Variants in ZNF831 observed in about 807,000 individuals in gnomAD.
ZNF831 encodes the protein chromosome 20 open reading frame 174.
ZNF831 carries 59 observed loss-of-function variants against 95.8 expected under a neutral mutation model. The ratio of observed to expected loss-of-function variants is 0.62; its 90% CI spans 0.50 to 0.77. The LOEUF is 0.77. ZNF831 is among the 30% of genes least tolerant of loss of function. The pLI is 0.00. For missense variants in ZNF831, 2,205 were observed against 2,164.0 expected (o/e 1.02, Z -0.38); for synonymous variants, 961 against 925.5 (o/e 1.04, Z -0.70).
In ZNF831 at chr20:59,193,503, G is replaced by T. The variant is rs1601373564; in HGVS notation, c.2484G>T (p.Glu828Asp). The T allele has an allele frequency of 1.9e-6, 3 of 1,610,360 alleles. No homozygotes were observed. Among genetic ancestry groups the T allele is most frequent in the African/African-American group, 1.3e-5 (1 of 74,852 alleles). ...CAGAGAGGAAGAAGCTGAAAGTGGA[G>T]GACCTGCACAGCTGGAAGCAACCAG... ...LPSERKKLKV[E>D]DLHSWKQPEP... is the part of the protein sequence containing the mutation. The change falls in exon 2 of 6, where the codon GAG becomes GAT. Residue 828 changes from glutamate (E) to aspartate (D), a missense_variant. By Grantham distance (45) the Glu-to-Asp change is conservative. Coordinates refer to ENST00000371030, the MANE Select transcript of ZNF831 (RefSeq NM_178457.3).
At chr20:59,198,399 G>A (rs1984278360) in intron 3 of ZNF831, among the ~76,000 whole-genome samples, 2 of 152,252 alleles carry the variant, frequency 1.3e-5, no homozygotes, top group African/African-American at 4.8e-5. Context: ...ACAGCCAGAT[G>A]GAGATGAGCA....
At chr20:59,225,824 G>A (rs1322755122) in intron 4 of ZNF831, among the ~76,000 whole-genome samples, 1 of 152,166 alleles carries the variant, frequency 6.6e-6, no homozygotes, top group Non-Finnish European at 1.5e-5. Context: ...ACCATTCTTG[G>A]TAGAAAGAGA....
chr20:59,212,779 C>CT (rs1985431414), intron 4 of ZNF831, among the ~76,000 whole-genome samples: 1 of 152,200 alleles, frequency 6.6e-6, no homozygotes, highest in African/African-American at 2.4e-5. Flanking sequence ...AGAACTTTCC[C>CT]TAATAGACTG....
intron 1 of ZNF831, among the ~76,000 whole-genome samples, chr20:59,184,637 C>T (rs1490473908): frequency 6.6e-6 from 1 of 152,132 alleles, no homozygotes; most frequent in Non-Finnish European, 1.5e-5. Context: ...CCAGGATGAA[C>T]GGAAGTTTGG....
At chr20:59,155,719 A>G (rs1426666890) in intron 2 of ZNF831, among the ~76,000 whole-genome samples, 1 of 152,194 alleles carries the variant, frequency 6.6e-6, no homozygotes, top group Non-Finnish European at 1.5e-5. Context: ...GCTGCATTAG[A>G]TAATCCCTGA....
At chr20:59,194,841 GA>G in intron 2 of ZNF831, 84 bp downstream of exon 2, 1 of 1,448,728 alleles carries the variant, frequency 6.9e-7, no homozygotes. Flanking sequence ...AAGGAAGTCT[GA>G]AGCCGTCCCA....
chr20:59,239,274 A>T (rs1358666795), intron 4 of ZNF831, among the ~76,000 whole-genome samples: 1 of 152,020 alleles, frequency 6.6e-6, no homozygotes, highest in Non-Finnish European at 1.5e-5. Flanking sequence ...ATGTTCATGC[A>T]ATTTTCTCAT....
chr20:59,217,218 C>T lies in ZNF831; in HGVS notation c.4027+10162C>T, dbSNP rs1985752716. On this transcript the variant is annotated intron_variant, in intron 4 of 5. Coordinates refer to ENST00000371030, the MANE Select transcript of ZNF831 (RefSeq NM_178457.3). This position sits in a 1 kb window ranked among gnomAD's most constrained non-coding sequence, Gnocchi z 4.4. ...TGTAACACAGCAGCAGCACACTGCA[C>T]ATCTCATTGCACAACTTGCTCTTTT... Among the ~76,000 whole-genome samples, 1 of 150,262 alleles carries T rather than the reference C, an allele frequency of 6.7e-6. No individual in the cohort carries two copies. The highest frequency in any genetic ancestry group is 2.1e-4 in the South Asian group (1 of 4,782).
chr20:59,198,633 G>A (rs1203599056), intron 3 of ZNF831, among the ~76,000 whole-genome samples: 23 of 152,216 alleles, frequency 1.5e-4, no homozygotes, highest in Non-Finnish European at 2.2e-4. Flanking sequence ...ACAGGAAGGG[G>A]CAGGGGCATT....
intron 2 of ZNF831, among the ~76,000 whole-genome samples, chr20:59,158,493 C>T (rs1384675715): frequency 6.6e-6 from 1 of 152,182 alleles, no homozygotes; most frequent in African/African-American, 2.4e-5. Context: ...CAAAGTTCTG[C>T]CCACTCTGTG....
chr20:59,125,589 T>A (rs1979147556), intron 1 of ZNF831, among the ~76,000 whole-genome samples: 1 of 152,198 alleles, frequency 6.6e-6, no homozygotes, highest in African/African-American at 2.4e-5. Flanking sequence ...TTGACAATAC[T>A]GGGTTCAATT....
In ZNF831 at chr20:59,190,955, C is replaced by T. The variant is rs1175339269; in HGVS notation, c.-36-29C>T. The T allele has an allele frequency of 6.2e-6, 9 of 1,456,998 alleles. No individual in the cohort carries two copies. The South Asian group carries it at 1.2e-4, about 20-fold the overall frequency. The allele number at this position is 1,456,998 out of a possible 1,614,324, so 90.3% of individuals were successfully genotyped here. On this transcript the variant is annotated intron_variant, in intron 1 of 5. Coordinates refer to ENST00000371030, the MANE Select transcript of ZNF831 (RefSeq NM_178457.3). ...CTGCATGAGGAGAGAGGAGAGGTGC[C>T]CATGGTAAAGTTTGGTTGTTGTCTG...
chr20:59,250,133 C>T (rs534953444), intron 4 of ZNF831, among the ~76,000 whole-genome samples: 25 of 152,308 alleles, frequency 1.6e-4, no homozygotes, highest in African/African-American at 5.3e-4. Context: ...GGTAACTTCC[C>T]TCACCCTTGG....
chr20:59,141,003 A>G (rs1979660900), intron 1 of ZNF831, among the ~76,000 whole-genome samples: 1 of 152,084 alleles, frequency 6.6e-6, no homozygotes, highest in Non-Finnish European at 1.5e-5. Flanking sequence ...AGGTTCAAGC[A>G]ATTCTTCTGC....
At chr20:59,129,482 A>G (rs954987536) in intron 1 of ZNF831, among the ~76,000 whole-genome samples, 98 of 152,172 alleles carry the variant, frequency 6.4e-4, no homozygotes, top group African/African-American at 2.0e-3. Context: ...AATTAGCAGA[A>G]TGTGGTGGCG....
At chr20:59,224,518 C>A (rs1017409607) in intron 4 of ZNF831, among the ~76,000 whole-genome samples, 1 of 152,228 alleles carries the variant, frequency 6.6e-6, no homozygotes, top group Non-Finnish European at 1.5e-5. Flanking sequence ...TCCGACTGTT[C>A]TTTGCACTTC....
chr20:59,162,809 G>GT (rs1399259318), upstream of ZNF831, among the ~76,000 whole-genome samples: 2 of 152,262 alleles, frequency 1.3e-5, no homozygotes, highest in Non-Finnish European at 1.5e-5. Context: ...TTCTGGAATA[G>GT]TTTTTTTCTA....
chr20:59,175,628 C>T lies in ZNF831; in HGVS notation c.-37+11421C>T, dbSNP rs527790817. Among the ~76,000 whole-genome samples, 4 of 152,062 alleles carry T rather than the reference C, an allele frequency of 2.6e-5. No individual in the cohort carries two copies. In the South Asian group the frequency reaches 8.3e-4, roughly 32 times the overall value. The stretch of plus-strand genomic sequence containing the variant: ...TCTTCTTTTATCTTCTATGTCTTTG[C>T]TGGGGCTTTCTATGTTTCCTTTGTT... On this transcript the variant is annotated intron_variant, in intron 1 of 5. Transcript: ENST00000371030.
chr20:59,151,809 C>G (rs1980257325), intron 2 of ZNF831, among the ~76,000 whole-genome samples: 1 of 152,198 alleles, frequency 6.6e-6, no homozygotes, highest in Non-Finnish European at 1.5e-5. Flanking sequence ...GAGATGTTCT[C>G]CACGAGGGAA....
Sources: gnomAD v4.1 joint callset for allele counts (sites outside exome capture counted in the v4.1 genomes callset) on GRCh38, gnomAD v4.1.1 for gene constraint, Gnocchi (gnomAD v3.1) non-coding constraint, MANE v1.5 for transcripts, NCBI Gene and HGNC (gene_info 2026-07-23, HGNC 2026-07-21) for gene names.